Variants in ETFDH observed in about 807,000 individuals in gnomAD.
ETFDH encodes the protein electron transfer flavoprotein dehydrogenase, also known as electron transfer flavoprotein-ubiquinone oxidoreductase, mitochondrial.
Under a neutral mutation model 73.2 loss-of-function variants are expected in ETFDH, and 61 were observed. The observed-to-expected ratio is 0.83, with a 90% CI of 0.68 to 1.03. ETFDH has a LOEUF of 1.03. Ranked by LOEUF, ETFDH falls within the 50% of genes least tolerant of loss-of-function variation. The pLI is 0.00. For synonymous variants in ETFDH, 243 were observed against 253.3 expected, an observed-to-expected ratio of 0.96 and a Z score of 0.39; for missense variants, 685 against 745.0, an observed-to-expected ratio of 0.92 and a Z score of 0.94.
In ETFDH at chr4:158,709,445, T is replaced by C. The variant is rs532579062; in HGVS notation, c.*918T>C. 14 of 203,748 alleles carry C rather than the reference T, an allele frequency of 6.9e-5. No homozygotes were observed. Among genetic ancestry groups the C allele is most frequent in the East Asian group, 1.2e-4 (1 of 8,248 alleles). 12.6% of individuals were successfully genotyped at this position (203,748 alleles called of 1,614,324 possible). A position where few individuals can be genotyped will look rare whatever the true frequency, so the allele number is the denominator to read the frequency against. ...TACTTGGGAAGCTGAGGCAGGAGAA[T>C]TGCTTGAACCCGGGAGGCAGAGGAT... On this transcript the variant is annotated 3_prime_UTR_variant, in exon 13 of 13. Transcript: ENST00000511912.
At chr4:158,693,044 T>G (rs1358919785) in intron 6 of ETFDH, among the ~76,000 whole-genome samples, 1 of 152,082 alleles carries the variant, frequency 6.6e-6, no homozygotes, top group African/African-American at 2.4e-5. Flanking sequence ...TTAAAAATAG[T>G]ACTACCACAA....
At chr4:158,701,443 G>A (rs1774459536) in intron 9 of ETFDH, among the ~76,000 whole-genome samples, 1 of 152,114 alleles carries the variant, frequency 6.6e-6, no homozygotes, top group African/African-American at 2.4e-5. Flanking sequence ...TCCTGAGTTT[G>A]GTCTGAGAAC....
At chr4:158,701,931 C>A (rs1000917605) in intron 9 of ETFDH, among the ~76,000 whole-genome samples, 1 of 151,890 alleles carries the variant, frequency 6.6e-6, no homozygotes, top group Non-Finnish European at 1.5e-5. Flanking sequence ...TTTTTTTAAT[C>A]AGAAATGTAT....
chr4:158,695,722 A>T (rs1410857408), intron 7 of ETFDH, 79 bp downstream of exon 7: 1 of 942,762 alleles, frequency 1.1e-6, no homozygotes, highest in Non-Finnish European at 1.7e-6. Flanking sequence ...AGTTTATAAT[A>T]CTGATTTAAT....
At chr4:158,688,696 A>T (rs1774078473) in intron 5 of ETFDH, among the ~76,000 whole-genome samples, 1 of 152,150 alleles carries the variant, frequency 6.6e-6, no homozygotes, top group Non-Finnish European at 1.5e-5. Context: ...AAAAGAACGA[A>T]ACAGTTTTAT....
chr4:158,708,696 G>A lies in ETFDH; in HGVS notation c.*169G>A, dbSNP rs1774712763. On this transcript the variant is annotated 3_prime_UTR_variant, in exon 13 of 13. Transcript: ENST00000511912. Reference sequence around the variant, plus strand: ...AAGATTGTCCCATAAAGAAATTACGGGTATTGCTTTTAAATAACCTTTATA... The same window carrying A: ...AAGATTGTCCCATAAAGAAATTACGAGTATTGCTTTTAAATAACCTTTATA... 3.2e-6 allele frequency: 2 copies of A among 617,848 alleles called. No individual in the cohort carries two copies. The highest frequency in any genetic ancestry group is 5.7e-6 in the Non-Finnish European group (2 of 350,926). The allele number at this position is 617,848 out of a possible 1,614,324, so 38.3% of individuals were successfully genotyped here.
In ETFDH at chr4:158,695,626, G is replaced by A. The variant is rs763541530; in HGVS notation, c.814G>A (p.Gly272Arg). Reference protein sequence around the residue: ...LRANCEPQTYGIGLKELWVID... With the variant: ...LRANCEPQTYRIGLKELWVID... ...AGCAAATTGTGAACCTCAAACCTACGGGATTGGACTGAAGGAGGTATCCTG... is the reference window on the plus strand; with the variant it reads ...AGCAAATTGTGAACCTCAAACCTACAGGATTGGACTGAAGGAGGTATCCTG... The change falls in exon 7 of 13, where the codon GGG becomes AGG. Residue 272 changes from glycine to arginine, a missense_variant. By Grantham distance (125) the Gly-to-Arg change is moderately radical (BLOSUM62 -2). Transcript: ENST00000511912. The A allele has an allele frequency of 1.2e-6, 2 of 1,610,096 alleles. No homozygotes were observed. Among genetic ancestry groups the A allele is most frequent in the Non-Finnish European group, 1.7e-6 (2 of 1,176,578 alleles).
At chr4:158,681,102 G>C (rs998300067) in intron 2 of ETFDH, among the ~76,000 whole-genome samples, 2 of 152,112 alleles carry the variant, frequency 1.3e-5, no homozygotes, top group Non-Finnish European at 2.9e-5. Context: ...TCCTTCAGGA[G>C]GTATTCTGGA....
chr4:158,682,530 C>A, intron 3 of ETFDH, 106 bp downstream of exon 3: 3 of 669,522 alleles, frequency 4.5e-6, no homozygotes, highest in Non-Finnish European at 7.0e-6. Context: ...GTAACTCTAT[C>A]TTTTTTTTTT....
At chr4:158,694,402 G>C (rs550669225) in intron 6 of ETFDH, among the ~76,000 whole-genome samples, 6 of 152,116 alleles carry the variant, frequency 3.9e-5, no homozygotes, top group Admixed American at 2.0e-4. Context: ...AGACCAGCCT[G>C]GCCAACATGG....
chr4:158,707,038 CAA>C (rs77764489), intron 12 of ETFDH, among the ~76,000 whole-genome samples, 188 bp downstream of exon 12: 24 of 107,582 alleles, frequency 2.2e-4, no homozygotes, highest in African/African-American at 3.3e-4. Flanking sequence ...TAACATTTCT[CAA>C]AAAAAAAAAA....
chr4:158,706,171 T>C lies in ETFDH; in HGVS notation c.1286-18T>C. ...TTTGGGCAGTTTCGCACTTAACATTTCATGTTTTTAATAAAAGGACTCCAT... is the reference window on the plus strand; with the variant it reads ...TTTGGGCAGTTTCGCACTTAACATTCCATGTTTTTAATAAAAGGACTCCAT... On this transcript the variant is annotated intron_variant, in intron 10 of 12. Transcript: ENST00000511912. 1.3e-6 allele frequency: 2 copies of C among 1,571,376 alleles called. No individual in the cohort carries two copies. Among genetic ancestry groups the C allele is most frequent in the Non-Finnish European group, 1.8e-6 (2 of 1,140,926 alleles).
Position 158,698,908 on chromosome 4 carries a change from T to C in ETFDH, c.973-79T>C, listed in dbSNP as rs1036104698. 8 of 1,033,802 alleles carry C rather than the reference T, an allele frequency of 7.7e-6. No homozygotes were observed. The Middle Eastern group carries it at 9.4e-4, about 122-fold the overall frequency. The allele number at this position is 1,033,802 out of a possible 1,614,324, so 64.0% of individuals were successfully genotyped here. A position where few individuals can be genotyped will look rare whatever the true frequency, so the allele number is the denominator to read the frequency against. On this transcript the variant is annotated intron_variant, in intron 8 of 12. Transcript: ENST00000511912. ...AAAGAAATTTAACCTACATGTTTTC[T>C]GATAAACATTGCTTACATTTTAGCT...
intron 5 of ETFDH, among the ~76,000 whole-genome samples, chr4:158,685,420 A>G (rs1171868812): frequency 3.9e-5 from 6 of 152,210 alleles, no homozygotes; most frequent in Non-Finnish European, 8.8e-5. Context: ...GTGATTATCC[A>G]ACTTATGATT....
At chr4:158,688,281 A>G (rs539024012) in intron 5 of ETFDH, among the ~76,000 whole-genome samples, 35 of 150,720 alleles carry the variant, frequency 2.3e-4, no homozygotes, top group East Asian at 9.8e-4. Context: ...AGTCCCATCT[A>G]CTCAGGAGGC....
At position 158,690,330 on chromosome 4, in the gene ETFDH, GT is replaced by G. The variant is rs527944729; in HGVS notation, c.607-12del. On this transcript the variant is annotated splice_polypyrimidine_tract_variant and intron_variant, in intron 5 of 12. Coordinates refer to ENST00000511912, the MANE Select transcript of ETFDH (RefSeq NM_004453.4). ...TGAATTCTAAGGTATTAATAAATTT[GT>G]TTTTTATCATTTTTAGGTCCTTTTT... 5.6e-6 allele frequency: 8 copies of G among 1,440,636 alleles called. No individual in the cohort carries two copies. Among genetic ancestry groups the G allele is most frequent in the Non-Finnish European group, 7.8e-6 (8 of 1,022,346 alleles). 89.2% of individuals were successfully genotyped at this position (1,440,636 alleles called of 1,614,324 possible).
intron 5 of ETFDH, among the ~76,000 whole-genome samples, chr4:158,687,679 G>A (rs938543780): frequency 1.3e-5 from 2 of 152,126 alleles, no homozygotes; most frequent in Non-Finnish European, 2.9e-5. Context: ...TTCCCTCAAA[G>A]TAATTACTTT....
chr4:158,701,263 G>C (rs143636774), intron 9 of ETFDH, among the ~76,000 whole-genome samples: 1 of 152,188 alleles, frequency 6.6e-6, no homozygotes, highest in Non-Finnish European at 1.5e-5. Context: ...TCTGGTTCTT[G>C]AATCGAACTT....
chr4:158,677,323 C>A (rs140792266), intron 1 of ETFDH, among the ~76,000 whole-genome samples: 1 of 152,158 alleles, frequency 6.6e-6, no homozygotes, highest in Non-Finnish European at 1.5e-5. Flanking sequence ...TTAATCAATA[C>A]GTGTAAGGTT....
Sources: allele counts gnomAD v4.1 joint callset (sites outside exome capture counted in the v4.1 genomes callset), GRCh38; gene constraint gnomAD v4.1.1; transcripts MANE v1.5; gene names NCBI Gene and HGNC (gene_info 2026-07-23, HGNC 2026-07-21).